EHBP1: variants seen among roughly 807,000 people sequenced by gnomAD.
EHBP1 encodes EH domain binding protein 1.
EHBP1 carries 55 observed loss-of-function variants against 144.0 expected under a neutral mutation model. The observed-to-expected ratio is 0.38, with a 90% CI of 0.31 to 0.48. EHBP1 has a LOEUF of 0.48. Ranked by LOEUF, EHBP1 falls within the 20% of genes least tolerant of loss-of-function variation. The pLI is 0.98. For missense variants in EHBP1, 1,200 were observed against 1,364.2 expected (o/e 0.88, Z 1.90); for synonymous variants, 469 against 472.7 (o/e 0.99, Z 0.10).
intron 14 of EHBP1, among the ~76,000 whole-genome samples, chr2:62,958,823 T>TA (rs1382388360): frequency 7.9e-5 from 12 of 152,166 alleles, no homozygotes; most frequent in Non-Finnish European, 1.5e-4. Flanking sequence ...TTCTGAAAGA[T>TA]ATAAAAGAGT....
chr2:62,940,101 A>C (rs954257924), intron 10 of EHBP1: 7 of 434,572 alleles, frequency 1.6e-5, no homozygotes, highest in African/African-American at 1.2e-4. Context: ...TGGGATGCCT[A>C]CCAAGACTTT....
intron 12 of EHBP1, among the ~76,000 whole-genome samples, chr2:62,944,217 A>G (rs2056935420): frequency 6.6e-6 from 1 of 152,206 alleles, no homozygotes; most frequent in Non-Finnish European, 1.5e-5. Context: ...ACGAGAGCCT[A>G]ATGGTAAGCA....
At chr2:62,887,279 A>G (rs1260282098) in intron 10 of EHBP1, among the ~76,000 whole-genome samples, 2 of 152,168 alleles carry the variant, frequency 1.3e-5, no homozygotes, top group East Asian at 1.9e-4. Context: ...CTGAAAATCA[A>G]GAGTTCTATT....
intron 19 of EHBP1, among the ~76,000 whole-genome samples, chr2:63,031,366 A>C (rs2153345519): frequency 6.6e-6 from 1 of 152,284 alleles, no homozygotes; most frequent in Middle Eastern, 3.4e-3. Context: ...CGCTTAATTG[A>C]TTCTCCAAGA....
At chr2:62,991,151 G>A (rs766419524) in intron 16 of EHBP1, among the ~76,000 whole-genome samples, 12 of 151,602 alleles carry the variant, frequency 7.9e-5, no homozygotes, top group Non-Finnish European at 1.3e-4. Flanking sequence ...AGGCTGAGGC[G>A]GGAGGATTGC....
intron 15 of EHBP1, among the ~76,000 whole-genome samples, chr2:62,986,084 A>G (rs2059177147): frequency 6.6e-6 from 1 of 152,176 alleles, no homozygotes; most frequent in Admixed American, 6.5e-5. Context: ...TGGCAGCAAA[A>G]AAGTACTACA....
At chr2:62,815,464 G>A (rs1260300327) in intron 5 of EHBP1, among the ~76,000 whole-genome samples, 11 of 152,154 alleles carry the variant, frequency 7.2e-5, no homozygotes, top group Admixed American at 7.2e-4. Context: ...TTAATATGCT[G>A]TGTGACAAAA....
At chr2:62,901,276 TCTTC>T (rs963157765) in intron 10 of EHBP1, among the ~76,000 whole-genome samples, 10 of 152,324 alleles carry the variant, frequency 6.6e-5, no homozygotes, top group Admixed American at 6.5e-4. Flanking sequence ...CTTACTTTAA[TCTTC>T]CTATTAATGT....
At position 62,902,252 on chromosome 2, in the gene EHBP1, G is replaced by GA. The variant is rs367859081; in HGVS notation, c.1185+27726dup. Among the ~76,000 whole-genome samples, 551 of 152,204 alleles carry GA rather than the reference G, an allele frequency of 3.6e-3. 6 individuals carry two copies. Among genetic ancestry groups the GA allele is most frequent in the African/African-American group, 0.012 (503 of 41,538 alleles). The stretch of plus-strand genomic sequence containing the variant: ...ATTAAGGTATGAATTTTTCAACAAT[G>GA]AAAAAAGCAACAGATGTAGCTGACT... On this transcript the variant is annotated intron_variant, in intron 10 of 22. Transcript: ENST00000431489.
At chr2:62,862,457 A>G (rs958642083) in intron 8 of EHBP1, among the ~76,000 whole-genome samples, 1 of 152,028 alleles carries the variant, frequency 6.6e-6, no homozygotes, top group South Asian at 2.1e-4. Flanking sequence ...AAAAATACAA[A>G]AAATTAGCCA....
intron 10 of EHBP1, among the ~76,000 whole-genome samples, chr2:62,915,031 T>C (rs1304212350): frequency 1.3e-5 from 2 of 152,072 alleles, no homozygotes; most frequent in African/African-American, 2.4e-5. Flanking sequence ...AAAATGTTTC[T>C]CTTGGAAATA....
At chr2:62,800,552 G>A (rs974787703) in intron 5 of EHBP1, among the ~76,000 whole-genome samples, 5 of 152,072 alleles carry the variant, frequency 3.3e-5, no homozygotes, top group African/African-American at 9.7e-5. Flanking sequence ...AAACTGTATC[G>A]CTGGGAAGAA....
chr2:62,831,108 A>G lies in EHBP1; in HGVS notation c.584A>G (p.Asp195Gly). The change falls in exon 7 of 23, where the codon GAT (aspartate) becomes GGT (glycine). Residue 195 changes from aspartate (D) to glycine (G), a missense_variant. Physicochemically the swap from Asp to Gly is moderately conservative, Grantham distance 94. Transcript: ENST00000431489. ...GATGACTTCGAAGAAGATAATGAAG[A>G]TGATGATGAGAACAGAGTGAACCAA... Reference protein sequence around the residue: ...NLDDFEEDNEDDDENRVNQEE... With the variant: ...NLDDFEEDNEGDDENRVNQEE... 1 of 1,609,746 alleles carries G rather than the reference A, an allele frequency of 6.2e-7. No individual in the cohort carries two copies. Among genetic ancestry groups the G allele is most frequent in the Non-Finnish European group, 8.5e-7 (1 of 1,178,608 alleles).
intron 1 of EHBP1, among the ~76,000 whole-genome samples, chr2:62,698,706 A>T (rs747177138): frequency 2.6e-5 from 4 of 152,250 alleles, no homozygotes; most frequent in African/African-American, 7.2e-5. Context: ...CTGTAAGCCC[A>T]GTCACTAATT....
At chr2:62,744,790 G>A (rs1328317236) in intron 2 of EHBP1, among the ~76,000 whole-genome samples, 1 of 152,030 alleles carries the variant, frequency 6.6e-6, no homozygotes, top group Non-Finnish European at 1.5e-5. Context: ...TTAGAATGAG[G>A]CAACAGTTCA....
intron 10 of EHBP1, among the ~76,000 whole-genome samples, chr2:62,914,893 A>G (rs1247761617): frequency 6.6e-6 from 1 of 152,058 alleles, no homozygotes; most frequent in Non-Finnish European, 1.5e-5. Context: ...TGCATTCATA[A>G]TTGAATTTGA....
chr2:62,999,760 C>A (rs1559047975), intron 19 of EHBP1, among the ~76,000 whole-genome samples: 1 of 152,080 alleles, frequency 6.6e-6, no homozygotes, highest in Non-Finnish European at 1.5e-5. Flanking sequence ...CCACTTTTAG[C>A]TACTATGAAC....
At chr2:62,954,777 T>G (rs2057593651) in intron 13 of EHBP1, among the ~76,000 whole-genome samples, 1 of 152,094 alleles carries the variant, frequency 6.6e-6, no homozygotes, top group Admixed American at 6.5e-5. Flanking sequence ...TATCTGATAA[T>G]AGTAATAGAC....
At chr2:62,761,175 A>G (rs907877753) in intron 3 of EHBP1, among the ~76,000 whole-genome samples, 2 of 152,148 alleles carry the variant, frequency 1.3e-5, no homozygotes, top group Non-Finnish European at 2.9e-5. Flanking sequence ...TTTACTTTTC[A>G]AAATGGAGAT....
Sources: gnomAD v4.1 joint callset for allele counts (sites outside exome capture counted in the v4.1 genomes callset) on GRCh38, gnomAD v4.1.1 for gene constraint, MANE v1.5 for transcripts, NCBI Gene and HGNC (gene_info 2026-07-23, HGNC 2026-07-21) for gene names.